TCP11: variants seen among roughly 807,000 people sequenced by gnomAD.
TCP11 encodes the protein t-complex 11, also known as T-complex protein 11 homolog.
A neutral mutation model predicts 45.0 loss-of-function variants in TCP11; 34 were observed. The observed-to-expected ratio is 0.76, with a 90% CI of 0.57 to 1.01. The LOEUF (loss-of-function observed/expected upper bound fraction) is 1.01. TCP11 is among the 50% of genes least tolerant of loss of function. The pLI is 0.00. For synonymous variants in TCP11, 227 were observed against 227.0 expected (o/e 1.00, Z 0.00); for missense variants, 523 against 598.1 (o/e 0.87, Z 1.31).
intron 8 of TCP11, among the ~76,000 whole-genome samples, chr6:35,119,734 G>A (rs1225926914): frequency 6.6e-6 from 1 of 152,162 alleles, no homozygotes; most frequent in Non-Finnish European, 1.5e-5. Context: ...ATATATATAT[G>A]TTTAAGACTT....
intron 2 of TCP11, chr6:35,140,411 G>C (rs1356147196): frequency 1.9e-6 from 1 of 524,198 alleles, no homozygotes; most frequent in African/African-American, 1.9e-5. Flanking sequence ...ATTCCCGTCT[G>C]GGATCATTTG....
chr6:35,140,859 G>A lies in TCP11; in HGVS notation c.12C>T (p.Val4=). ...GATATTTCGGGGGCACACTCTCCTT[G>A]ACGTCTGGCATTTTGCTGATGGTAT... MPD[V]KESVPPKYPG... is the part of the protein sequence containing the mutation. Residue 4 remains valine, a synonymous_variant, in exon 2 of 10, where the codon GTC becomes GTT. Transcript: ENST00000311875. The A allele has an allele frequency of 6.3e-7, 1 of 1,578,546 alleles. No homozygotes were observed. The highest frequency in any genetic ancestry group is 1.2e-5 in the South Asian group (1 of 84,704).
rs1778822666 is a variant in TCP11 at position 35,118,148 on chromosome 6, G to A, written c.*121C>T. The A allele has an allele frequency of 6.3e-6, 5 of 789,938 alleles. No homozygotes were observed. The highest frequency in any genetic ancestry group is 1.1e-5 in the Non-Finnish European group (5 of 468,598). The allele number at this position is 789,938 out of a possible 1,614,324, so 48.9% of individuals were successfully genotyped here. ...TACATGCTTGATCCCTACAGCCTTGGTGTACTGGCTGCAGGGCCTGGGATA... is the reference window on the plus strand; with the variant it reads ...TACATGCTTGATCCCTACAGCCTTGATGTACTGGCTGCAGGGCCTGGGATA... On this transcript the variant is annotated 3_prime_UTR_variant, in exon 10 of 10. Coordinates refer to ENST00000311875, the MANE Select transcript of TCP11 (RefSeq NM_001370687.1).
rs1439174376 is a variant in TCP11, at chr6:35,141,240, C to T, written c.-50G>A. 1.5e-6 allele frequency: 2 copies of T among 1,371,840 alleles called. No individual in the cohort carries two copies. Among genetic ancestry groups the T allele is most frequent in the Non-Finnish European group, 1.9e-6 (2 of 1,063,324 alleles). The allele number at this position is 1,371,840 out of a possible 1,614,324, so 85.0% of individuals were successfully genotyped here. ...CCCGCCGCGGGTCATCCACTGGCGT[C>T]CGCTCGGTGGGCCTCGCGGCCTGGC... is the stretch of plus-strand genomic sequence containing the variant. On this transcript the variant is annotated 5_prime_UTR_variant, in exon 1 of 10. Coordinates refer to ENST00000311875, the MANE Select transcript of TCP11 (RefSeq NM_001370687.1).
chr6:35,119,498 C>T lies in TCP11; in HGVS notation c.1116-107G>A, dbSNP rs1255697443. ...GCCAGGCCCACTTGAGGGAGAATGT[C>T]AGCCACCCTCTCCACCCCTAAACCC... On this transcript the variant is annotated intron_variant, in intron 8 of 9. Transcript: ENST00000311875. The T allele has an allele frequency of 4.3e-6, 6 of 1,380,902 alleles. No individual in the cohort carries two copies. The African/African-American group carries it at 7.2e-5, about 16-fold the overall frequency. The allele number at this position is 1,380,902 out of a possible 1,614,324, so 85.5% of individuals were successfully genotyped here.
At chr6:35,132,554 T>A (rs2127674006) in intron 3 of TCP11, among the ~76,000 whole-genome samples, 1 of 152,356 alleles carries the variant, frequency 6.6e-6, no homozygotes, top group Admixed American at 6.5e-5. Context: ...AAATGCCTGG[T>A]AAATGAATAT....
chr6:35,121,821 G>GAA lies in TCP11; in HGVS notation c.578+294_578+295dup, dbSNP rs61313333. On this transcript the variant is annotated intron_variant, in intron 5 of 9. Coordinates refer to ENST00000311875, the MANE Select transcript of TCP11 (RefSeq NM_001370687.1). The stretch of plus-strand genomic sequence containing the variant: ...AAACTCCATCTCAAAAAAAAAGAAA[G>GAA]AAAAAAAAAAACCTGGGAAAGGGAT... Among the ~76,000 whole-genome samples the GAA allele has an allele frequency of 8.3e-4, 108 of 130,314 alleles. 1 individual carries two copies. The Middle Eastern group carries it at 0.013, about 16-fold the overall frequency. 85.5% of individuals were successfully genotyped at this position (130,314 alleles called of 152,430 possible).
intron 4 of TCP11, among the ~76,000 whole-genome samples, chr6:35,126,834 T>C (rs1779885011): frequency 1.3e-5 from 2 of 151,836 alleles, no homozygotes; most frequent in Admixed American, 6.6e-5. Context: ...AATTTTTCTA[T>C]TTTTTGTAGA....
intron 2 of TCP11, among the ~76,000 whole-genome samples, chr6:35,138,109 G>A (rs993465377): frequency 6.6e-6 from 1 of 151,290 alleles, no homozygotes; most frequent in South Asian, 2.1e-4. Context: ...AGGATGTGGA[G>A]GAAAGGGAAC....
At position 35,140,133 on chromosome 6, in the gene TCP11, C is replaced by G. The variant is rs1237007917; in HGVS notation, c.124+614G>C. 14 of 1,612,552 alleles carry G rather than the reference C, an allele frequency of 8.7e-6. No individual in the cohort carries two copies. The East Asian group carries it at 2.7e-4, about 31-fold the overall frequency. Reference sequence around the variant, plus strand: ...AACCAATCTAATTCAGCCGCAAAGCCTCAATCTAATTTTTCGCATTTCAAT... The same window carrying G: ...AACCAATCTAATTCAGCCGCAAAGCGTCAATCTAATTTTTCGCATTTCAAT... On this transcript the variant is annotated intron_variant, in intron 2 of 9. Coordinates refer to ENST00000311875, the MANE Select transcript of TCP11 (RefSeq NM_001370687.1).
chr6:35,133,162 T>C (rs1169743301), intron 3 of TCP11, among the ~76,000 whole-genome samples: 2 of 152,162 alleles, frequency 1.3e-5, no homozygotes, highest in African/African-American at 4.8e-5. Context: ...CTCAGCCTCA[T>C]CTGTGATACA....
chr6:35,138,994 C>A (rs1781423134), intron 2 of TCP11, among the ~76,000 whole-genome samples: 1 of 152,116 alleles, frequency 6.6e-6, no homozygotes, highest in South Asian at 2.1e-4. Flanking sequence ...TCGAGACCAG[C>A]CTGGCCGACA....
In TCP11 at chr6:35,120,849, T is replaced by C. The variant is rs1393396380; in HGVS notation, c.715+60A>G. 2.3e-5 allele frequency: 35 copies of C among 1,552,316 alleles called. No homozygotes were observed. Among genetic ancestry groups the C allele is most frequent in the Non-Finnish European group, 3.0e-5 (34 of 1,147,186 alleles). On this transcript the variant is annotated intron_variant, in intron 6 of 9. Transcript: ENST00000311875. The surrounding 1 kb of genome is among the most constrained non-coding windows in gnomAD (Gnocchi z 4.9). Reference sequence around the variant, plus strand: ...AAAGAGATAGAGTACTCTCTAACATTATAAAAGTCAGACCCAAGGTAATAC... The same window carrying C: ...AAAGAGATAGAGTACTCTCTAACATCATAAAAGTCAGACCCAAGGTAATAC...
At position 35,140,784 on chromosome 6, in the gene TCP11, G is replaced by C. The variant is rs199768438; in HGVS notation, c.87C>G (p.Pro29=). The change falls in exon 2 of 10, where the codon CCC becomes CCG. Residue 29 remains proline (P), a synonymous_variant. Transcript: ENST00000311875. ...RSCKPETSGP[P]QEDKSGSEDP... is the part of the protein sequence containing the mutation. Reference sequence around the variant, plus strand: ...CCTCGGAGCCGCTCTTGTCTTCCTGGGGGGGTCCTGAGGTTTCGGGCTTAC... The same window carrying C: ...CCTCGGAGCCGCTCTTGTCTTCCTGCGGGGGTCCTGAGGTTTCGGGCTTAC... The C allele has an allele frequency of 2.6e-6, 4 of 1,531,644 alleles. No homozygotes were observed. Among genetic ancestry groups the C allele is most frequent in the Non-Finnish European group, 3.5e-6 (4 of 1,144,052 alleles). 94.9% of individuals were successfully genotyped at this position (1,531,644 alleles called of 1,614,324 possible).
At chr6:35,140,003 C>T (rs2127696337) in intron 2 of TCP11, 1 of 1,613,500 alleles carries the variant, frequency 6.2e-7, no homozygotes, top group African/African-American at 1.3e-5. Flanking sequence ...TACAAAAAAA[C>T]GGATTTTTCA....
intron 3 of TCP11, among the ~76,000 whole-genome samples, chr6:35,134,397 C>T (rs1455386640): frequency 6.6e-6 from 1 of 151,210 alleles, no homozygotes; most frequent in Admixed American, 6.6e-5. Flanking sequence ...TCTCCTGCCT[C>T]AGCCTCCTGA....
Position 35,141,190 on chromosome 6 carries a change from C to A in TCP11, c.-15+15G>T. ...AACGCCGGCCCAGGCCCGCCTCCGG[C>A]TCCCAGGCCGTCACCTCCTCCTCCC... On this transcript the variant is annotated intron_variant, in intron 1 of 9. Transcript: ENST00000311875. 7.2e-7 allele frequency: 1 copy of A among 1,391,264 alleles called. No individual in the cohort carries two copies. Among genetic ancestry groups the A allele is most frequent in the South Asian group, 1.6e-5 (1 of 63,296 alleles). 86.2% of individuals were successfully genotyped at this position (1,391,264 alleles called of 1,614,324 possible). A position where few individuals can be genotyped will look rare whatever the true frequency, so the allele number is the denominator to read the frequency against.
chr6:35,119,827 G>A (rs1042946034), intron 8 of TCP11, among the ~76,000 whole-genome samples: 2 of 151,572 alleles, frequency 1.3e-5, no homozygotes, highest in African/African-American at 4.9e-5. Context: ...TTTTCCTTTG[G>A]TGTGATGGCC....
intron 2 of TCP11, chr6:35,140,021 T>G: frequency 6.2e-7 from 1 of 1,614,072 alleles, no homozygotes; most frequent in Non-Finnish European, 8.5e-7. Context: ...TCATCCTACC[T>G]CAGGTTCATA....
Sources: allele counts gnomAD v4.1 joint callset (sites outside exome capture counted in the v4.1 genomes callset), GRCh38; gene constraint gnomAD v4.1.1; non-coding constraint Gnocchi (gnomAD v3.1); transcripts MANE v1.5; gene names NCBI Gene and HGNC (gene_info 2026-07-23, HGNC 2026-07-21).